The following RFPL1 variants were observed in gnomAD, a reference collection of about 807,000 sequenced individuals.
RFPL1 encodes the protein ret finger protein-like 1.
In RFPL1, 6 loss-of-function variants were observed where a neutral mutation model predicts 9.6. That is an observed-to-expected ratio of 0.62 (90% CI 0.34 to 1.23). The LOEUF is 1.23. Among genes scored for constraint, RFPL1 ranks in the 50% most tolerant of loss-of-function variants. The pLI is 0.03. For missense variants in RFPL1, 352 were observed against 398.4 expected, an observed-to-expected ratio of 0.88 and a Z score of 0.99; for synonymous variants, 145 against 149.4, an observed-to-expected ratio of 0.97 and a Z score of 0.22.
At chr22:29,439,592 C>G (rs2062828144) in intron 1 of RFPL1, 1 of 169,190 alleles carries the variant, frequency 5.9e-6, no homozygotes, top group Non-Finnish European at 1.3e-5. Context: ...CAAGATTGCA[C>G]CACTGCACTC....
chr22:29,417,091 A>C, the RFPL1 span, among the ~76,000 whole-genome samples: 3 of 152,014 alleles, frequency 2.0e-5, no homozygotes, highest in Non-Finnish European at 4.4e-5. Flanking sequence ...CAAAAGCCAA[A>C]ATGTATGTGT....
chr22:29,397,848 C>T, the RFPL1 span, among the ~76,000 whole-genome samples: 7 of 152,130 alleles, frequency 4.6e-5, no homozygotes, highest in Non-Finnish European at 1.0e-4. Context: ...TTCATGACAC[C>T]CAGACTCTCC....
the RFPL1 span, among the ~76,000 whole-genome samples, chr22:29,391,121 G>A: frequency 6.6e-6 from 1 of 151,800 alleles, no homozygotes; most frequent in East Asian, 2.0e-4. Flanking sequence ...CAGCCTGGGC[G>A]ACGGAGTGAG....
chr22:29,388,983 C>A, the RFPL1 span, among the ~76,000 whole-genome samples: 7 of 152,144 alleles, frequency 4.6e-5, no homozygotes, highest in Non-Finnish European at 8.8e-5. Context: ...CTCAGGTGAT[C>A]CTCTCACCTC....
chr22:29,437,399 T>C (rs2062813565), upstream of RFPL1: 2 of 482,708 alleles, frequency 4.1e-6, no homozygotes, highest in Admixed American at 3.9e-5. Context: ...TGACAACTGA[T>C]GGAAACATCT....
chr22:29,393,709 C>T, the RFPL1 span, among the ~76,000 whole-genome samples: 1 of 152,208 alleles, frequency 6.6e-6, no homozygotes, highest in Non-Finnish European at 1.5e-5. Context: ...AGAGAGGGCG[C>T]TGGCTTCCTC....
chr22:29,419,400 C>T, the RFPL1 span: 1 of 610,054 alleles, frequency 1.6e-6, no homozygotes. Context: ...AGGCGCCTGG[C>T]CTCAGGTGGG....
chr22:29,415,684 TTGC>T, the RFPL1 span, among the ~76,000 whole-genome samples: 43 of 152,226 alleles, frequency 2.8e-4, no homozygotes, highest in Non-Finnish European at 5.0e-4. Flanking sequence ...ATCGGCAGAC[TTGC>T]GTCTCAAGAA....
chr22:29,438,452 G>T (rs1362888708), upstream of RFPL1: 8 of 411,858 alleles, frequency 1.9e-5, no homozygotes, highest in Admixed American at 9.2e-5. Flanking sequence ...CAAAGTGCTG[G>T]GATTATAGGC....
chr22:29,425,172 C>G, the RFPL1 span, among the ~76,000 whole-genome samples: 1 of 143,796 alleles, frequency 7.0e-6, no homozygotes, highest in Non-Finnish European at 1.5e-5. Context: ...CCACTGCACT[C>G]TAGCCTGGGC....
At chr22:29,420,633 GC>G in the RFPL1 span, among the ~76,000 whole-genome samples, 1 of 20,394 alleles carries the variant, frequency 4.9e-5, no homozygotes, top group Non-Finnish European at 8.7e-5. Context: ...ATGGTTTTTT[GC>G]TTTTTTTTTT....
chr22:29,422,405 G>A, the RFPL1 span, among the ~76,000 whole-genome samples: 4 of 152,022 alleles, frequency 2.6e-5, no homozygotes, highest in Admixed American at 1.3e-4. Context: ...ATGGAGAAAC[G>A]CCATCTCTAC....
chr22:29,411,803 T>C, the RFPL1 span, among the ~76,000 whole-genome samples: 225 of 152,326 alleles, frequency 1.5e-3, no homozygotes, highest in Middle Eastern at 0.017. Context: ...CTGAAAGTTG[T>C]TTGAAATGAT....
chr22:29,396,142 C>T, the RFPL1 span, among the ~76,000 whole-genome samples: 1 of 152,218 alleles, frequency 6.6e-6, no homozygotes, highest in Non-Finnish European at 1.5e-5. Context: ...AGCTATGGGA[C>T]TTCAGTTTCC....
the RFPL1 span, among the ~76,000 whole-genome samples, chr22:29,429,710 AT>A: frequency 6.6e-6 from 1 of 152,240 alleles, no homozygotes; most frequent in African/African-American, 2.4e-5. Flanking sequence ...TGTAAATGAT[AT>A]GATCTTATAT....
chr22:29,441,641 A>C, exon 2 of RFPL1: 2 of 1,613,912 alleles, frequency 1.2e-6, no homozygotes, highest in Non-Finnish European at 1.7e-6. Context: ...AATCGGCAAG[A>C]CCTTGCCGAG....
At chr22:29,396,164 T>C in the RFPL1 span, among the ~76,000 whole-genome samples, 1 of 152,140 alleles carries the variant, frequency 6.6e-6, no homozygotes, top group Non-Finnish European at 1.5e-5. Flanking sequence ...GTCTGAAAAA[T>C]GGGACTTGCT....
the RFPL1 span, among the ~76,000 whole-genome samples, chr22:29,402,500 C>T: frequency 9.2e-5 from 14 of 152,208 alleles, no homozygotes; most frequent in East Asian, 2.5e-3. Flanking sequence ...ATTTTATAGA[C>T]AAGGAAGGGA....
chr22:29,422,795 G>T, the RFPL1 span, among the ~76,000 whole-genome samples: 1 of 121,526 alleles, frequency 8.2e-6, no homozygotes, highest in African/African-American at 3.7e-5. Flanking sequence ...GTACATGGAC[G>T]GAAACACACA....
Sources: gnomAD v4.1 joint callset for allele counts (sites outside exome capture counted in the v4.1 genomes callset) on GRCh38, gnomAD v4.1.1 for gene constraint, MANE v1.5 for transcripts, NCBI Gene and HGNC (gene_info 2026-07-23, HGNC 2026-07-21) for gene names.